The following ANKRD30A variants were observed in gnomAD, a reference collection of about 807,000 sequenced individuals.
ANKRD30A encodes ankyrin repeat domain 30A, also known as ankyrin repeat domain-containing protein 30A.
In ANKRD30A, 170 loss-of-function variants were observed where a neutral mutation model predicts 166.3. The ratio of observed to expected loss-of-function variants is 1.02; its 90% confidence interval spans 0.90 to 1.16. The LOEUF (loss-of-function observed/expected upper bound fraction) is 1.16. Ranked by LOEUF, ANKRD30A falls within the 50% of genes most tolerant of loss-of-function variation. ANKRD30A has a pLI of 0.00. For synonymous variants in ANKRD30A, 564 were observed against 508.9 expected (o/e 1.11, Z -1.46); for missense variants, 1,630 against 1,518.0 (o/e 1.07, Z -1.23).
At chr10:37,249,110 C>T in the ANKRD30A span, among the ~76,000 whole-genome samples, 2 of 152,104 alleles carry the variant, frequency 1.3e-5, no homozygotes, top group East Asian at 3.9e-4. Context: ...CTCTAGGTCT[C>T]AGTGAGAGAA....
intron 12 of ANKRD30A, among the ~76,000 whole-genome samples, 200 bp downstream of exon 12, chr10:37,152,321 ATTAAT>A (rs1838012523): frequency 6.6e-6 from 1 of 152,118 alleles, no homozygotes; most frequent in African/African-American, 2.4e-5. Flanking sequence ...AATTTGTACG[ATTAAT>A]TTAAGAAGCC....
chr10:37,223,246 T>A (rs1842975010), intron 34 of ANKRD30A, among the ~76,000 whole-genome samples: 2 of 151,074 alleles, frequency 1.3e-5, no homozygotes, highest in Admixed American at 1.3e-4. Context: ...CATTATAAGT[T>A]GAGAATATTG....
At chr10:37,130,633 A>T (rs1836327742) in intron 3 of ANKRD30A, among the ~76,000 whole-genome samples, 1 of 152,170 alleles carries the variant, frequency 6.6e-6, no homozygotes, top group Admixed American at 6.5e-5. Flanking sequence ...ATTCTTTCCC[A>T]TCCAAGTTTT....
At chr10:37,243,101 TAC>T in the ANKRD30A span, among the ~76,000 whole-genome samples, 1 of 152,072 alleles carries the variant, frequency 6.6e-6, no homozygotes, top group Non-Finnish European at 1.5e-5. Context: ...TTGGTTCATC[TAC>T]AGTTTTTTTC....
chr10:37,242,135 C>A, the ANKRD30A span: 1 of 152,180 alleles, frequency 6.6e-6, no homozygotes, highest in Non-Finnish European at 1.5e-5. Context: ...ATCTCTTAGA[C>A]TTTCAATTGT....
the ANKRD30A span, among the ~76,000 whole-genome samples, chr10:37,244,271 G>A: frequency 3.9e-5 from 6 of 152,054 alleles, no homozygotes; most frequent in African/African-American, 1.2e-4. Context: ...TGTAAGCAAC[G>A]TCATGTACAT....
chr10:37,127,677 A>G (rs927326228), intron 1 of ANKRD30A, among the ~76,000 whole-genome samples: 2 of 152,130 alleles, frequency 1.3e-5, no homozygotes, highest in African/African-American at 4.8e-5. Flanking sequence ...CAACTGACCT[A>G]TGCACACAGG....
the ANKRD30A span, chr10:37,248,118 A>G: frequency 5.0e-6 from 3 of 594,478 alleles, no homozygotes; most frequent in South Asian, 4.2e-5. Flanking sequence ...CTCCCTGCAG[A>G]TTTTCACCGC....
chr10:37,247,952 G>A, the ANKRD30A span, among the ~76,000 whole-genome samples: 6 of 150,240 alleles, frequency 4.0e-5, no homozygotes, highest in African/African-American at 1.5e-4. Flanking sequence ...GAAATAATCT[G>A]TACAGCAAAC....
intron 31 of ANKRD30A, among the ~76,000 whole-genome samples, chr10:37,203,533 C>A (rs1222532693): frequency 6.6e-6 from 1 of 152,000 alleles, no homozygotes; most frequent in African/African-American, 2.4e-5. Context: ...AGTATCATAC[C>A]GAATGGGCAA....
intron 34 of ANKRD30A, among the ~76,000 whole-genome samples, chr10:37,229,403 AATG>A (rs1843313070): frequency 6.6e-6 from 1 of 152,006 alleles, no homozygotes; most frequent in African/African-American, 2.4e-5. Flanking sequence ...GTAGAGTAAC[AATG>A]ATATCTCCTC....
At chr10:37,265,046 A>G in the ANKRD30A span, among the ~76,000 whole-genome samples, 1 of 152,176 alleles carries the variant, frequency 6.6e-6, no homozygotes, top group East Asian at 1.9e-4. Flanking sequence ...ATTAGTAGTT[A>G]TCCTCTGCTG....
chr10:37,167,108 A>G (rs1460353904), intron 19 of ANKRD30A, among the ~76,000 whole-genome samples: 1 of 151,884 alleles, frequency 6.6e-6, no homozygotes, highest in Admixed American at 6.6e-5. Flanking sequence ...AGCCAGCTAG[A>G]TGATTTTGGA....
At chr10:37,132,112 A>G in intron 3 of ANKRD30A, 128 bp from the exon 4 acceptor site, 1 of 559,528 alleles carries the variant, frequency 1.8e-6, no homozygotes, top group Non-Finnish European at 2.9e-6. Context: ...AAAAGGGAGA[A>G]AGAAGGGACT....
At position 37,219,463 on chromosome 10, in the gene ANKRD30A, C is replaced by T; in HGVS notation, c.3751C>T (p.Gln1251Ter). Residue 1251 changes from glutamine to a stop codon, truncating the protein, a stop_gained, in exon 34 of 36, where the codon CAA (glutamine) becomes TAA (stop). Coordinates refer to ENST00000361713, the MANE Select transcript of ANKRD30A (RefSeq NM_052997.3). LOFTEE classifies it high-confidence loss of function. ...STIYNNEVLH[Q>*]PLSEAQRKSK... ...GATATATAACAATGAGGTGCTCCAT[C>T]AACCACTTTCTGAAGCTCAAAGGAA... is the stretch of plus-strand genomic sequence containing the variant. 3.1e-6 allele frequency: 5 copies of T among 1,610,206 alleles called. No individual in the cohort carries two copies. Among genetic ancestry groups the T allele is most frequent in the Non-Finnish European group, 4.2e-6 (5 of 1,177,634 alleles).
chr10:37,212,061 G>C (rs1372220061), intron 31 of ANKRD30A, among the ~76,000 whole-genome samples: 1 of 151,908 alleles, frequency 6.6e-6, no homozygotes, highest in Non-Finnish European at 1.5e-5. Context: ...TTCAATTAGG[G>C]AAAGAGGAAG....
At chr10:37,196,097 T>TTC (rs997526527) in intron 27 of ANKRD30A, among the ~76,000 whole-genome samples, 2 of 132,686 alleles carry the variant, frequency 1.5e-5, no homozygotes, top group African/African-American at 5.1e-5. Context: ...TTTTCTATTT[T>TTC]TTTTTTTTTT....
chr10:37,263,657 G>C, the ANKRD30A span, among the ~76,000 whole-genome samples: 1 of 152,144 alleles, frequency 6.6e-6, no homozygotes, highest in Non-Finnish European at 1.5e-5. Flanking sequence ...CAGAGCTTCA[G>C]GTGGGAATGC....
intron 32 of ANKRD30A, among the ~76,000 whole-genome samples, chr10:37,216,660 A>T (rs949028221): frequency 6.6e-6 from 1 of 151,274 alleles, no homozygotes; most frequent in Non-Finnish European, 1.5e-5. Flanking sequence ...TAACAAATTA[A>T]GTTTTTTGAT....
Sources: gnomAD v4.1 joint callset for allele counts (sites outside exome capture counted in the v4.1 genomes callset) on GRCh38, gnomAD v4.1.1 for gene constraint, MANE v1.5 for transcripts, NCBI Gene and HGNC (gene_info 2026-07-23, HGNC 2026-07-21) for gene names.